PTCH2: variants seen among roughly 807,000 people sequenced by gnomAD.
PTCH2 encodes the protein protein patched homolog 2.
PTCH2 carries 96 observed loss-of-function variants against 117.9 expected under a neutral mutation model. That is an observed-to-expected ratio of 0.81 (90% CI 0.69 to 0.96). PTCH2 has a LOEUF of 0.96. Among genes scored for constraint, PTCH2 ranks in the 50% least tolerant of loss-of-function variants. PTCH2 has a pLI of 0.00. For missense variants in PTCH2, 1,379 were observed against 1,562.5 expected (o/e 0.88, Z 1.98); for synonymous variants, 615 against 660.9 (o/e 0.93, Z 1.06).
downstream of PTCH2, among the ~76,000 whole-genome samples, chr1:44,820,995 T>TTTG (rs956615556): frequency 1.4e-4 from 22 of 152,282 alleles, no homozygotes; most frequent in South Asian, 1.9e-3. Context: ...ATAGGCGTTT[T>TTTG]TTGTTGTTGT....
In PTCH2 at chr1:44,828,619, C is replaced by T. The variant is rs11573581; in HGVS notation, c.1477G>A (p.Glu493Lys). 1.4e-4 allele frequency: 225 copies of T among 1,612,652 alleles called. 2 individuals carry two copies. The African/African-American group carries it at 2.4e-3, about 17-fold the overall frequency. ...CTGGTGCCCGTGCGCTGCAGACACTCGCCCATGCGCTCCTGCCAGGACAGA... is the reference window on the plus strand; with the variant it reads ...CTGGTGCCCGTGCGCTGCAGACACTTGCCCATGCGCTCCTGCCAGGACAGA... ...PGTPLQERMG[E>K]CLQRTGTSVV... Residue 493 changes from glutamate to lysine, a missense_variant, in exon 12 of 22, where the codon GAG (glutamate) becomes AAG (lysine). Transcript: ENST00000372192.
At chr1:44,820,667 G>A (rs917513311), downstream of PTCH2, 3 of 717,262 alleles carry the variant, frequency 4.2e-6, no homozygotes, top group Non-Finnish European at 5.2e-6. Flanking sequence ...TGATGAGGGG[G>A]TGCTGGGGTG....
rs2148874919 is a variant in PTCH2 at position 44,827,157 on chromosome 1, C to T, written c.2514+10G>A. 6.2e-7 allele frequency: 1 copy of T among 1,614,052 alleles called. No individual in the cohort carries two copies. The highest frequency in any genetic ancestry group is 1.7e-5 in the Admixed American group (1 of 60,032). On this transcript the variant is annotated intron_variant, in intron 16 of 21. Coordinates refer to ENST00000372192, the MANE Select transcript of PTCH2 (RefSeq NM_003738.5). ...CCTGTACTAGTGGACCCCTCCAGCC[C>T]TCTCCCAACCTGGCTGAAATCCAGA...
chr1:44,827,834 C>T lies in PTCH2; in HGVS notation c.2058+9G>A, dbSNP rs2148875687. ...TGCTAAGTCTCTGCCCTGCTCTGCC[C>T]AGTCTTACCTTAGCATGTGACTGGA... On this transcript the variant is annotated intron_variant, in intron 14 of 21. Transcript: ENST00000372192. The T allele has an allele frequency of 1.2e-6, 2 of 1,613,976 alleles. No homozygotes were observed. Among genetic ancestry groups the T allele is most frequent in the Non-Finnish European group, 1.7e-6 (2 of 1,179,948 alleles).
chr1:44,837,791 G>A (rs186312439), intron 2 of PTCH2, among the ~76,000 whole-genome samples: 27 of 152,130 alleles, frequency 1.8e-4, no homozygotes, highest in Non-Finnish European at 2.9e-4. Flanking sequence ...AGAAAGGATG[G>A]GTTTGTGCCG....
chr1:44,823,193 C>T lies in PTCH2; in HGVS notation c.3258-25G>A, dbSNP rs2148871821. On this transcript the variant is annotated intron_variant, in intron 20 of 21. Transcript: ENST00000372192. This position sits in a 1 kb window ranked among gnomAD's most constrained non-coding sequence, Gnocchi z 5.1. ...CCTAGGGGTAGGGTGTGGGGGGAGT[C>T]AGCCCAGGCCTGTCCTGAGCCCTGC... 1 of 1,614,104 alleles carries T rather than the reference C, an allele frequency of 6.2e-7. No individual in the cohort carries two copies. Among genetic ancestry groups the T allele is most frequent in the Non-Finnish European group, 8.5e-7 (1 of 1,179,992 alleles).
intron 2 of PTCH2, among the ~76,000 whole-genome samples, chr1:44,833,841 G>A (rs549785056): frequency 2.0e-5 from 3 of 149,334 alleles, no homozygotes; most frequent in South Asian, 2.1e-4. Context: ...CACCGCACCC[G>A]GCCCCAAGTT....
rs780551626 is a variant in PTCH2 at position 44,832,272 on chromosome 1, G to A, written c.335C>T (p.Ser112Phe). 9 of 1,614,232 alleles carry A rather than the reference G, an allele frequency of 5.6e-6. No individual in the cohort carries two copies. The East Asian group carries it at 2.0e-4, about 36-fold the overall frequency. The change falls in exon 3 of 22, where the codon TCT (serine) becomes TTT (phenylalanine). Residue 112 changes from serine (S) to phenylalanine (F), a missense_variant. By Grantham distance (155) the Ser-to-Phe change is radical. Coordinates refer to ENST00000372192, the MANE Select transcript of PTCH2 (RefSeq NM_003738.5). ...EKLGEEAAYT[S>F]QMLIQTARQE... ...GCGTGCGGTCTGTATCAGCATCTGA[G>A]AGGTGTATGCAGCCTCCTCCCCCAG... is the stretch of plus-strand genomic sequence containing the variant.
In PTCH2 at chr1:44,826,373, C is replaced by T. The variant is rs756770955; in HGVS notation, c.2991G>A (p.Ala997=). 2.1e-5 allele frequency: 34 copies of T among 1,613,984 alleles called. No individual in the cohort carries two copies. Among genetic ancestry groups the T allele is most frequent in the South Asian group, 1.5e-4 (14 of 91,086 alleles). The change falls in exon 19 of 22, where the codon GCG becomes GCA. Residue 997 remains alanine, a synonymous_variant. Coordinates refer to ENST00000372192, the MANE Select transcript of PTCH2 (RefSeq NM_003738.5). This position sits in a 1 kb window ranked among gnomAD's most constrained non-coding sequence, Gnocchi z 5.1. The part of the protein sequence containing the change: ...WTAGLIVLVL[A]MMTVELFGIM... ...TACCAAAGAGTTCCACTGTCATCATCGCCAGGACCAGCACCTGAGGGAGAC... is the reference window on the plus strand; with the variant it reads ...TACCAAAGAGTTCCACTGTCATCATTGCCAGGACCAGCACCTGAGGGAGAC...
rs1439972220 is a variant in PTCH2, at chr1:44,826,273, C to G, written c.3091G>C (p.Glu1031Gln). 6.2e-7 allele frequency: 1 copy of G among 1,614,132 alleles called. No individual in the cohort carries two copies. Among genetic ancestry groups the G allele is most frequent in the Middle Eastern group, 1.6e-4 (1 of 6,062 alleles). ...ILVASVGIGV[E>Q]FTVHVALGFL... ...ACCAGAGCCACGTGGACTGTGAACT[C>G]AACGCCAATGCCTACAGAGGCCACA... Residue 1031 changes from glutamate to glutamine, a missense_variant, in exon 19 of 22, where the codon GAG becomes CAG. Coordinates refer to ENST00000372192, the MANE Select transcript of PTCH2 (RefSeq NM_003738.5). This position sits in a 1 kb window ranked among gnomAD's most constrained non-coding sequence, Gnocchi z 5.1.
intron 19 of PTCH2, among the ~76,000 whole-genome samples, chr1:44,825,772 C>A (rs1399858925): frequency 6.6e-6 from 1 of 151,668 alleles, no homozygotes; most frequent in Non-Finnish European, 1.5e-5. Context: ...GGGGATCCGC[C>A]TGCCTTGGCC....
Position 44,827,247 on chromosome 1 carries a change from T to C in PTCH2, c.2434A>G (p.Asn812Asp), listed in dbSNP as rs1300832314. 1.9e-6 allele frequency: 3 copies of C among 1,614,016 alleles called. No homozygotes were observed. The highest frequency in any genetic ancestry group is 2.5e-6 in the Non-Finnish European group (3 of 1,180,022). Residue 812 changes from asparagine (N) to aspartate (D), a missense_variant, in exon 16 of 22, where the codon AAT becomes GAT. Asn to Asp is a conservative substitution (Grantham distance 23, BLOSUM62 1). Transcript: ENST00000372192. ...SGRITRHSYR[N>D]GSEDGALAYK... is the part of the protein sequence containing the mutation. ...GCCAGGGCCCCATCCTCAGAGCCATTGCGGTACGAGTGGCGGGTGATGCGC... is the reference window on the plus strand; with the variant it reads ...GCCAGGGCCCCATCCTCAGAGCCATCGCGGTACGAGTGGCGGGTGATGCGC...
At position 44,823,092 on chromosome 1, in the gene PTCH2, ACAGCAGCACAGG is replaced by A. The variant is rs1354031774; in HGVS notation, c.3322_3333del (p.Pro1108_Leu1111del). Reference sequence around the variant, plus strand: ...ACCTCTGGCGGCGGGCCCAGGATGGACAGCAGCACAGGCAGCAGCACGAGTCCATGGAGGAGG... The same window carrying A: ...ACCTCTGGCGGCGGGCCCAGGATGGACAGCAGCACGAGTCCATGGAGGAGG... On this transcript the variant is annotated inframe_deletion, in exon 21 of 22. Coordinates refer to ENST00000372192, the MANE Select transcript of PTCH2 (RefSeq NM_003738.5). The surrounding 1 kb of genome is among the most constrained non-coding windows in gnomAD (Gnocchi z 5.1). 6.2e-7 allele frequency: 1 copy of A among 1,613,712 alleles called. No homozygotes were observed. The highest frequency in any genetic ancestry group is 8.5e-7 in the Non-Finnish European group (1 of 1,179,938).
intron 2 of PTCH2, 106 bp from the exon 3 acceptor site, chr1:44,832,447 G>A (rs1573653726): frequency 8.4e-7 from 1 of 1,187,744 alleles, no homozygotes; most frequent in Non-Finnish European, 1.2e-6. Flanking sequence ...TGGGAGAGGT[G>A]CGGCAGAGAG....
rs532455441 is a variant in PTCH2, at chr1:44,842,018, C to A, written c.94G>T (p.Ala32Ser). 4 of 1,613,524 alleles carry A rather than the reference C, an allele frequency of 2.5e-6. No individual in the cohort carries two copies. The highest frequency in any genetic ancestry group is 2.2e-5 in the East Asian group (1 of 44,886). The change falls in exon 2 of 22, where the codon GCT becomes TCT. Residue 32 changes from alanine to serine, a missense_variant. By Grantham distance (99) the Ala-to-Ser change is moderately conservative (BLOSUM62 1). Coordinates refer to ENST00000372192, the MANE Select transcript of PTCH2 (RefSeq NM_003738.5). The part of the protein sequence containing the change: ...APQILAGSLK[A>S]PLWLRAYFQG... ...AAGTAAGCACGAAGCCAGAGTGGAGCCTTCAGGCTCCCAGCTAGGATCTGG... is the reference window on the plus strand; with the variant it reads ...AAGTAAGCACGAAGCCAGAGTGGAGACTTCAGGCTCCCAGCTAGGATCTGG...
downstream of PTCH2, chr1:44,820,782 G>A (rs1008520356): frequency 4.2e-6 from 3 of 713,300 alleles, no homozygotes; most frequent in Admixed American, 4.0e-5. Context: ...GTGGCACTGA[G>A]GGCTGACCCC....
rs543080218 is a variant in PTCH2 at position 44,827,562 on chromosome 1, G to A, written c.2211C>T (p.Tyr737=). 11 of 1,614,146 alleles carry A rather than the reference G, an allele frequency of 6.8e-6. No homozygotes were observed. In the Admixed American group the frequency reaches 1.0e-4, roughly 15 times the overall value. Residue 737 remains tyrosine (Y), a synonymous_variant, in exon 15 of 22, where the codon TAC becomes TAT. Coordinates refer to ENST00000372192, the MANE Select transcript of PTCH2 (RefSeq NM_003738.5). ...CACCCTGGGTCACCAGGGCCACCTC[G>A]TACAGGGAGAAGTACCTGAGCTGGG... The part of the protein sequence containing the change: ...LSAQLRYFSL[Y]EVALVTQGGF...
rs1206654652 is a variant in PTCH2, at chr1:44,827,973, C to T, written c.1928G>A (p.Arg643Gln). The part of the protein sequence containing the change: ...SELFSPGGST[R>Q]DLLGQEEETR... ...CTCCTCCTCCTGGCCTAGAAGGTCC[C>T]GTGTGGACCCTCCAGGGCTGAAGAG... The change falls in exon 14 of 22, where the codon CGG becomes CAG. Residue 643 changes from arginine to glutamine, a missense_variant. By Grantham distance (43) the Arg-to-Gln change is conservative (BLOSUM62 1). Coordinates refer to ENST00000372192, the MANE Select transcript of PTCH2 (RefSeq NM_003738.5). 3.1e-6 allele frequency: 5 copies of T among 1,614,070 alleles called. No homozygotes were observed. Among genetic ancestry groups the T allele is most frequent in the African/African-American group, 1.3e-5 (1 of 74,924 alleles).
In PTCH2 at chr1:44,831,604, G is replaced by T; in HGVS notation, c.617+102C>A. The stretch of plus-strand genomic sequence containing the variant: ...TGTTCCTGGCCTGGGAGGTAATTAG[G>T]ACCTTGGTAAGGTTTTGATCATCCT... On this transcript the variant is annotated intron_variant, in intron 5 of 21. Coordinates refer to ENST00000372192, the MANE Select transcript of PTCH2 (RefSeq NM_003738.5). The surrounding 1 kb of genome is among the most constrained non-coding windows in gnomAD (Gnocchi z 4.3). The T allele has an allele frequency of 1.7e-6, 2 of 1,191,916 alleles. No homozygotes were observed. The highest frequency in any genetic ancestry group is 1.3e-5 in the South Asian group (1 of 76,676). 73.8% of individuals were successfully genotyped at this position (1,191,916 alleles called of 1,614,324 possible). A position where few individuals can be genotyped will look rare whatever the true frequency, so the allele number is the denominator to read the frequency against.
Sources: gnomAD v4.1 joint callset for allele counts (sites outside exome capture counted in the v4.1 genomes callset) on GRCh38, gnomAD v4.1.1 for gene constraint, Gnocchi (gnomAD v3.1) non-coding constraint, MANE v1.5 for transcripts, NCBI Gene and HGNC (gene_info 2026-07-23, HGNC 2026-07-21) for gene names.